Variants in ARID1B observed in about 807,000 individuals in gnomAD.
ARID1B encodes the protein AT-rich interaction domain 1B.
A neutral mutation model predicts 212.3 loss-of-function variants in ARID1B; 30 were observed. The observed-to-expected ratio is 0.14, with a 90% CI of 0.11 to 0.19. The LOEUF (loss-of-function observed/expected upper bound fraction) is 0.19, where lower values mean the gene tolerates loss of function less well. ARID1B is among the 10% of genes least tolerant of loss of function. The pLI is 1.00. For synonymous variants in ARID1B, 1,402 were observed against 1,301.7 expected, an observed-to-expected ratio of 1.08 and a Z score of -1.66; for missense variants, 2,891 against 3,204.0, an observed-to-expected ratio of 0.90 and a Z score of 2.36.
intron 4 of ARID1B, among the ~76,000 whole-genome samples, chr6:157,070,756 C>T (rs1562593639): frequency 6.6e-6 from 1 of 152,112 alleles, no homozygotes; most frequent in African/African-American, 2.4e-5. Flanking sequence ...GTTTTATTTA[C>T]GAGCATGTGA....
chr6:156,922,333 C>G (rs1284089954), intron 3 of ARID1B, among the ~76,000 whole-genome samples: 1 of 151,962 alleles, frequency 6.6e-6, no homozygotes, highest in Non-Finnish European at 1.5e-5. Flanking sequence ...CCACCGTGCC[C>G]AGCTATTTTT....
chr6:157,058,953 G>C (rs1783154537), intron 4 of ARID1B, among the ~76,000 whole-genome samples: 1 of 152,178 alleles, frequency 6.6e-6, no homozygotes, highest in Admixed American at 6.5e-5. Flanking sequence ...GGCAGATCTA[G>C]CTGGGGCTGC....
chr6:157,179,634 G>T (rs1792365768), intron 11 of ARID1B, among the ~76,000 whole-genome samples: 1 of 152,086 alleles, frequency 6.6e-6, no homozygotes. Flanking sequence ...TACATCAACT[G>T]TATCACCCAT....
chr6:156,832,599 C>T (rs1783217003), intron 2 of ARID1B, among the ~76,000 whole-genome samples: 1 of 152,144 alleles, frequency 6.6e-6, no homozygotes, highest in African/African-American at 2.4e-5. Context: ...GCCCACTTAC[C>T]AGCTGAGTGG....
At position 157,180,964 on chromosome 6, in the gene ARID1B, A is replaced by G. The variant is rs1284638185; in HGVS notation, c.3505-5A>G. On this transcript the variant is annotated splice_polypyrimidine_tract_variant and splice_region_variant and intron_variant, in intron 11 of 19. Transcript: ENST00000636930. ...CCACCTCCACATGCTGCTTCTGGGT[A>G]CTAGAAGTCCAGCTCCTCCACCACT... 4.3e-6 allele frequency: 7 copies of G among 1,611,478 alleles called. No individual in the cohort carries two copies. Among genetic ancestry groups the G allele is most frequent in the African/African-American group, 1.3e-5 (1 of 74,850 alleles).
chr6:156,961,402 G>A (rs930134861), intron 4 of ARID1B, among the ~76,000 whole-genome samples: 2 of 152,250 alleles, frequency 1.3e-5, no homozygotes, highest in South Asian at 4.1e-4. Flanking sequence ...AAGGAGGTGG[G>A]GAAATGCCAA....
chr6:157,039,795 T>TCCTAC (rs1491191183), intron 4 of ARID1B, among the ~76,000 whole-genome samples: 1 of 139,834 alleles, frequency 7.2e-6, no homozygotes, highest in Non-Finnish European at 1.5e-5. Flanking sequence ...CTTCCTTCCT[T>TCCTAC]CTTTCTTTCT....
At chr6:156,845,585 T>G (rs1784180318) in intron 2 of ARID1B, among the ~76,000 whole-genome samples, 1 of 152,130 alleles carries the variant, frequency 6.6e-6, no homozygotes, top group Admixed American at 6.5e-5. Flanking sequence ...CTAGCATGTC[T>G]GTTGAGAAGT....
chr6:157,113,125 T>C (rs137971301), intron 6 of ARID1B, among the ~76,000 whole-genome samples: 2,138 of 152,246 alleles, frequency 0.014, 43 homozygotes, highest in African/African-American at 0.049. Flanking sequence ...TTCTCCATGT[T>C]GGTCAGGCTG....
intron 1 of ARID1B, among the ~76,000 whole-genome samples, chr6:156,828,840 G>A (rs1057472665): frequency 1.3e-5 from 2 of 152,220 alleles, no homozygotes; most frequent in Non-Finnish European, 2.9e-5. Flanking sequence ...GGCAGAAAAT[G>A]TTAATCACTC....
chr6:157,160,835 T>A (rs1274975723), intron 8 of ARID1B, among the ~76,000 whole-genome samples: 1 of 152,250 alleles, frequency 6.6e-6, no homozygotes, highest in Non-Finnish European at 1.5e-5. Flanking sequence ...TCCAGTGGAT[T>A]GATCCCTCAG....
At chr6:157,030,292 G>C (rs1055322840) in intron 4 of ARID1B, 4 of 152,288 alleles carry the variant, frequency 2.6e-5, no homozygotes, top group Non-Finnish European at 5.9e-5. Context: ...TGTTTCAAGA[G>C]AATGATTAGA....
At position 157,201,623 on chromosome 6, in the gene ARID1B, T is replaced by G. The variant is rs140731037; in HGVS notation, c.5263+135T>G. ...ACTAGAAGTTATCAAGATGCGTTTT[T>G]ATATAGGAGTAATATAGTTGGAGGC... On this transcript the variant is annotated intron_variant, in intron 18 of 19. Coordinates refer to ENST00000636930, the MANE Select transcript of ARID1B (RefSeq NM_001374828.1). This position sits in a 1 kb window ranked among gnomAD's most constrained non-coding sequence, Gnocchi z 5.2. 6.9e-3 allele frequency: 7,284 copies of G among 1,060,612 alleles called. 362 individuals are homozygous for G. The African/African-American group carries it at 0.11, about 15-fold the overall frequency. 65.7% of individuals were successfully genotyped at this position (1,060,612 alleles called of 1,614,324 possible).
In ARID1B at chr6:156,777,963, G is replaced by C. The variant is rs797045273; in HGVS notation, c.283G>C (p.Gly95Arg). 6.5e-7 allele frequency: 1 copy of C among 1,529,094 alleles called. No individual in the cohort carries two copies. The highest frequency in any genetic ancestry group is 8.7e-7 in the Non-Finnish European group (1 of 1,144,524). The allele number at this position is 1,529,094 out of a possible 1,614,324, so 94.7% of individuals were successfully genotyped here. The change falls in exon 1 of 20, where the codon GGC (glycine) becomes CGC (arginine). Residue 95 changes from glycine (G) to arginine (R), a missense_variant. Gly to Arg is a moderately radical substitution (Grantham distance 125, BLOSUM62 -2). Transcript: ENST00000636930. ...TAACGCGGGCGCCGCGGCCGCCGCC[G>C]GCACCCACAGCGCCAAGAGCGGCGG... ...AHNAGAAAAA[G>R]THSAKSGGSE...
At chr6:157,018,995 C>G (rs951960545) in intron 4 of ARID1B, among the ~76,000 whole-genome samples, 1 of 152,050 alleles carries the variant, frequency 6.6e-6, no homozygotes, top group Non-Finnish European at 1.5e-5. Context: ...ACGGTAGGCT[C>G]AGCACAGAAA....
chr6:156,944,115 T>G (rs1244907455), intron 4 of ARID1B, among the ~76,000 whole-genome samples: 2 of 152,138 alleles, frequency 1.3e-5, no homozygotes, highest in Non-Finnish European at 2.9e-5. Flanking sequence ...GCTCCAAAAT[T>G]TTACATTAAA....
intron 4 of ARID1B, among the ~76,000 whole-genome samples, chr6:156,988,621 T>C (rs1471847333): frequency 6.6e-6 from 1 of 152,222 alleles, no homozygotes; most frequent in African/African-American, 2.4e-5. Context: ...TCTGGACATC[T>C]CATTTCCTGT....
chr6:156,841,787 C>T (rs1014233804), intron 2 of ARID1B, among the ~76,000 whole-genome samples: 6 of 152,104 alleles, frequency 3.9e-5, no homozygotes, highest in Non-Finnish European at 7.3e-5. Context: ...ATATAGTCAT[C>T]CTCATTTTAC....
At chr6:157,063,612 T>TA (rs1390966447) in intron 4 of ARID1B, among the ~76,000 whole-genome samples, 4 of 152,238 alleles carry the variant, frequency 2.6e-5, no homozygotes, top group Non-Finnish European at 2.9e-5. Context: ...ACATGTGAGT[T>TA]ACCAACATAA....
Sources: gnomAD v4.1 joint callset for allele counts (sites outside exome capture counted in the v4.1 genomes callset) on GRCh38, gnomAD v4.1.1 for gene constraint, Gnocchi (gnomAD v3.1) non-coding constraint, MANE v1.5 for transcripts, NCBI Gene and HGNC (gene_info 2026-07-23, HGNC 2026-07-21) for gene names.